ESRRG: variants seen among roughly 807,000 people sequenced by gnomAD.
The protein encoded by ESRRG is estrogen related receptor gamma, also known as estrogen-related receptor gamma.
A neutral mutation model predicts 44.0 loss-of-function variants in ESRRG; 13 were observed. The observed-to-expected ratio is 0.30, with a 90% CI of 0.19 to 0.47. The LOEUF (loss-of-function observed/expected upper bound fraction) is 0.47, where lower values mean the gene tolerates loss of function less well. Among genes scored for constraint, ESRRG ranks in the 20% least tolerant of loss-of-function variants. ESRRG has a pLI of 1.00. For missense variants in ESRRG, 395 were observed against 580.6 expected (o/e 0.68, Z 3.29); for synonymous variants, 215 against 214.6 (o/e 1.00, Z -0.02).
chr1:216,997,278 C>T (rs925969785), intron 1 of ESRRG, among the ~76,000 whole-genome samples: 1 of 152,194 alleles, frequency 6.6e-6, no homozygotes, highest in Non-Finnish European at 1.5e-5. Context: ...CTCTTGATAA[C>T]ACCAAAACAC....
intron 3 of ESRRG, among the ~76,000 whole-genome samples, chr1:216,634,914 C>A (rs1006546388): frequency 4.6e-5 from 7 of 152,120 alleles, no homozygotes; most frequent in African/African-American, 7.2e-5. Flanking sequence ...GAACAGAAAA[C>A]AAAGTCATCT....
chr1:216,969,496 A>C (rs912576680), intron 1 of ESRRG, among the ~76,000 whole-genome samples: 1 of 152,246 alleles, frequency 6.6e-6, no homozygotes, highest in Non-Finnish European at 1.5e-5. Context: ...CATAATTATA[A>C]GTTTACCTTC....
chr1:217,082,410 C>T (rs556535659), intron 1 of ESRRG, among the ~76,000 whole-genome samples: 1 of 152,290 alleles, frequency 6.6e-6, no homozygotes, highest in African/African-American at 2.4e-5. Context: ...TTATTATTCA[C>T]ATTTTTATAA....
chr1:216,886,013 C>T (rs1310335928), intron 2 of ESRRG, among the ~76,000 whole-genome samples: 1 of 151,988 alleles, frequency 6.6e-6, no homozygotes, highest in East Asian at 1.9e-4. Context: ...CTCTATTTGA[C>T]CTTCCAATTG....
chr1:217,015,806 T>C (rs1041261186), intron 1 of ESRRG, among the ~76,000 whole-genome samples: 1 of 151,716 alleles, frequency 6.6e-6, no homozygotes, highest in Admixed American at 6.6e-5. Flanking sequence ...CTTGGCTCAC[T>C]GCAACCTCCA....
chr1:216,576,159 G>C (rs1310231921), intron 3 of ESRRG, among the ~76,000 whole-genome samples: 1 of 152,006 alleles, frequency 6.6e-6, no homozygotes, highest in Middle Eastern at 3.2e-3. Context: ...GAGTCCCACA[G>C]AGTCTATTTT....
At chr1:216,914,141 T>C (rs913535250) in intron 2 of ESRRG, among the ~76,000 whole-genome samples, 2 of 152,082 alleles carry the variant, frequency 1.3e-5, no homozygotes, top group Non-Finnish European at 2.9e-5. Flanking sequence ...CTTCCTGTAC[T>C]GCTATTTCCA....
intron 2 of ESRRG, among the ~76,000 whole-genome samples, chr1:216,844,228 T>C (rs1178522658): frequency 6.6e-6 from 1 of 152,072 alleles, no homozygotes; most frequent in East Asian, 1.9e-4. Flanking sequence ...AACCTTTCAC[T>C]CTTTCTGAGG....
chr1:216,885,561 T>A (rs1026999450), intron 2 of ESRRG, among the ~76,000 whole-genome samples: 1 of 152,058 alleles, frequency 6.6e-6, no homozygotes, highest in African/African-American at 2.4e-5. Context: ...TTTTTTTTAA[T>A]AGTCATTTTT....
At chr1:216,902,251 C>T (rs6681527) in intron 2 of ESRRG, among the ~76,000 whole-genome samples, 75,722 of 151,966 alleles carry the variant, frequency 0.5, 19,958 homozygotes, top group East Asian at 0.78. Context: ...CACTTTGGGA[C>T]GCTGAGGCGG....
chr1:216,932,719 G>GTTTT (rs397860904), intron 2 of ESRRG, among the ~76,000 whole-genome samples: 6 of 70,298 alleles, frequency 8.5e-5, no homozygotes, highest in Admixed American at 1.9e-4. Flanking sequence ...CACCAAACTT[G>GTTTT]TTTTTTTTTT....
At chr1:216,880,829 GT>G (rs1194852377) in intron 2 of ESRRG, among the ~76,000 whole-genome samples, 1 of 152,036 alleles carries the variant, frequency 6.6e-6, no homozygotes, top group Non-Finnish European at 1.5e-5. Flanking sequence ...TATATTAAAA[GT>G]TTTCAATGAA....
intron 1 of ESRRG, among the ~76,000 whole-genome samples, chr1:217,133,166 G>T (rs935712605): frequency 6.6e-6 from 1 of 152,236 alleles, no homozygotes; most frequent in African/African-American, 2.4e-5. Flanking sequence ...CAGCATTGCC[G>T]CATAGAGAGC....
chr1:216,613,677 C>T (rs2150349182), intron 3 of ESRRG, among the ~76,000 whole-genome samples: 1 of 152,308 alleles, frequency 6.6e-6, no homozygotes, highest in East Asian at 1.9e-4. Flanking sequence ...TGTTCACATC[C>T]TGCTTAGAAA....
intron 1 of ESRRG, among the ~76,000 whole-genome samples, chr1:216,688,608 G>A (rs1249462155): frequency 6.6e-6 from 1 of 152,132 alleles, no homozygotes; most frequent in Non-Finnish European, 1.5e-5. Context: ...GGTGACTTAT[G>A]TGAAGCAGGC....
chr1:216,547,510 T>C (rs544763217), intron 5 of ESRRG, among the ~76,000 whole-genome samples: 5 of 152,132 alleles, frequency 3.3e-5, no homozygotes, highest in South Asian at 4.2e-4. Flanking sequence ...CAATTAATTG[T>C]CCAGAGGCAC....
At chr1:216,694,149 A>C (rs973435147) in intron 1 of ESRRG, among the ~76,000 whole-genome samples, 11 of 152,206 alleles carry the variant, frequency 7.2e-5, no homozygotes, top group Non-Finnish European at 1.6e-4. Context: ...CATGGTATCT[A>C]CAAGACTTGG....
At chr1:216,945,635 T>C (rs1348772454) in intron 1 of ESRRG, among the ~76,000 whole-genome samples, 1 of 152,222 alleles carries the variant, frequency 6.6e-6, no homozygotes, top group African/African-American at 2.4e-5. Context: ...TGATGTACTG[T>C]CTTCATTTAA....
chr1:217,127,846 C>T (rs2092911724), intron 1 of ESRRG, among the ~76,000 whole-genome samples: 1 of 152,212 alleles, frequency 6.6e-6, no homozygotes, highest in African/African-American at 2.4e-5. Context: ...AGGAAACACA[C>T]TAAAGCTTCC....
Sources: allele counts gnomAD v4.1 joint callset (sites outside exome capture counted in the v4.1 genomes callset), GRCh38; gene constraint gnomAD v4.1.1; transcripts MANE v1.5; gene names NCBI Gene and HGNC (gene_info 2026-07-23, HGNC 2026-07-21).